The following PIP5K1B variants were observed in gnomAD, a reference collection of about 807,000 sequenced individuals.
PIP5K1B encodes the protein phosphatidylinositol 4-phosphate 5-kinase type-1 beta.
A neutral mutation model predicts 67.0 loss-of-function variants in PIP5K1B; 42 were observed. That is an observed-to-expected ratio of 0.63 (90% CI 0.49 to 0.81). The LOEUF (loss-of-function observed/expected upper bound fraction) is 0.81, where lower values mean the gene tolerates loss of function less well. Among genes scored for constraint, PIP5K1B ranks in the 30% least tolerant of loss-of-function variants. The pLI, the probability that PIP5K1B is intolerant of heterozygous loss-of-function variation, is 0.00. For missense variants in PIP5K1B, 459 were observed against 646.3 expected (o/e 0.71, Z 3.14); for synonymous variants, 214 against 231.4 (o/e 0.92, Z 0.68).
intron 2 of PIP5K1B, among the ~76,000 whole-genome samples, chr9:68,775,584 C>T (rs1224133566): frequency 6.6e-6 from 1 of 152,120 alleles, no homozygotes; most frequent in Non-Finnish European, 1.5e-5. Context: ...AGATGGAGTG[C>T]GACGGCACCA....
intron 14 of PIP5K1B, among the ~76,000 whole-genome samples, chr9:68,962,274 G>T (rs1406907014): frequency 6.6e-6 from 1 of 150,644 alleles, no homozygotes. Context: ...AAAATCAAAA[G>T]ATTTGAGCAC....
At position 68,919,534 on chromosome 9, in the gene PIP5K1B, G is replaced by C. The variant is rs913872641; in HGVS notation, c.1039G>C (p.Gly347Arg). ...HRGEKLLLFM[G>R]IIDILQSYRL... Reference sequence around the variant, plus strand: ...GGGAGAAAAACTACTTTTATTTATGGGCATTATTGACATTCTGCAATCATA... The same window carrying C: ...GGGAGAAAAACTACTTTTATTTATGCGCATTATTGACATTCTGCAATCATA... Residue 347 changes from glycine (G) to arginine (R), a missense_variant, in exon 10 of 16, where the codon GGC becomes CGC. Gly to Arg is a moderately radical substitution (Grantham distance 125). This residue lies in a region of PIP5K1B where 290 missense variants were observed against 474.4 expected (regional missense o/e 0.61). Transcript: ENST00000265382. 1 of 1,596,680 alleles carries C rather than the reference G, an allele frequency of 6.3e-7. No homozygotes were observed.
chr9:68,857,833 C>G (rs11999960), intron 4 of PIP5K1B, among the ~76,000 whole-genome samples: 42,078 of 151,704 alleles, frequency 0.28, 6,061 homozygotes, highest in Middle Eastern at 0.33. Flanking sequence ...TACCACTGCA[C>G]TCCAGCATAT....
intron 14 of PIP5K1B, among the ~76,000 whole-genome samples, chr9:68,945,222 T>A (rs1827744946): frequency 6.6e-6 from 1 of 152,130 alleles, no homozygotes. Context: ...CTCAGCTCAC[T>A]GTAAGCTCCG....
chr9:68,961,273 G>A (rs1231845355), intron 14 of PIP5K1B, among the ~76,000 whole-genome samples: 1 of 151,326 alleles, frequency 6.6e-6, no homozygotes, highest in African/African-American at 2.4e-5. Flanking sequence ...AAGTAAGTTA[G>A]CAGTTACCTA....
At chr9:68,945,519 G>A (rs1827760943) in intron 14 of PIP5K1B, among the ~76,000 whole-genome samples, 2 of 152,188 alleles carry the variant, frequency 1.3e-5, no homozygotes, top group South Asian at 2.1e-4. Context: ...ATTAAAAACA[G>A]CATTGCAAAG....
intron 2 of PIP5K1B, among the ~76,000 whole-genome samples, chr9:68,767,749 C>G (rs1830502938): frequency 6.6e-6 from 1 of 151,972 alleles, no homozygotes; most frequent in Admixed American, 6.5e-5. Flanking sequence ...GTATGGTCAT[C>G]TTAATAGGTG....
intron 4 of PIP5K1B, among the ~76,000 whole-genome samples, chr9:68,856,046 G>A (rs1822761269): frequency 6.6e-6 from 1 of 152,152 alleles, no homozygotes; most frequent in African/African-American, 2.4e-5. Flanking sequence ...CTCTAGCAGG[G>A]AATCAATTCC....
intron 14 of PIP5K1B, among the ~76,000 whole-genome samples, chr9:68,945,095 A>G (rs1827738312): frequency 6.6e-6 from 1 of 151,228 alleles, no homozygotes; most frequent in South Asian, 2.1e-4. Flanking sequence ...CTTAATAACT[A>G]AAATATTTCT....
Position 68,812,746 on chromosome 9 carries a change from G to A in PIP5K1B, c.-85-5715G>A, listed in dbSNP as rs1833236055. On this transcript the variant is annotated intron_variant, in intron 2 of 15. Coordinates refer to ENST00000265382, the MANE Select transcript of PIP5K1B (RefSeq NM_003558.4). ...AAATAATATTCATGGAGGACTGCCT[G>A]AAAGATATGCAGCCTGTTCATTCCT... is the stretch of plus-strand genomic sequence containing the variant. Among the ~76,000 whole-genome samples the A allele has an allele frequency of 2.0e-5, 3 of 152,346 alleles. No individual in the cohort carries two copies. The South Asian group carries it at 6.2e-4, about 32-fold the overall frequency.
chr9:68,942,701 G>A (rs963556424), intron 14 of PIP5K1B, among the ~76,000 whole-genome samples: 17 of 152,052 alleles, frequency 1.1e-4, no homozygotes, highest in Admixed American at 1.1e-3. Context: ...TTTGGAGGGG[G>A]AAAATAAAAA....
intron 13 of PIP5K1B, among the ~76,000 whole-genome samples, chr9:68,939,965 T>C (rs1264550014): frequency 6.6e-6 from 1 of 152,234 alleles, no homozygotes; most frequent in Non-Finnish European, 1.5e-5. Flanking sequence ...CAGGGGTTAC[T>C]GCCCAGCCTT....
At chr9:68,715,673 A>G (rs1827602356) in intron 1 of PIP5K1B, among the ~76,000 whole-genome samples, 1 of 152,178 alleles carries the variant, frequency 6.6e-6, no homozygotes, top group South Asian at 2.1e-4. Flanking sequence ...GTGTCGGCAC[A>G]TGTAGAATTG....
At chr9:68,757,237 C>T (rs1377848309) in intron 2 of PIP5K1B, among the ~76,000 whole-genome samples, 2 of 152,126 alleles carry the variant, frequency 1.3e-5, no homozygotes, top group Non-Finnish European at 2.9e-5. Context: ...TGGCTAGTAG[C>T]TAGTGGCTAT....
At chr9:68,755,085 A>G (rs1829856862) in intron 2 of PIP5K1B, among the ~76,000 whole-genome samples, 1 of 152,274 alleles carries the variant, frequency 6.6e-6, no homozygotes, top group Non-Finnish European at 1.5e-5. Flanking sequence ...GAAGTGCATC[A>G]TAATTGTTAG....
intron 5 of PIP5K1B, among the ~76,000 whole-genome samples, chr9:68,868,915 T>C (rs567364332): frequency 1.3e-5 from 2 of 152,206 alleles, no homozygotes; most frequent in Non-Finnish European, 2.9e-5. Flanking sequence ...CAGGATTTAT[T>C]TGGACAGCCA....
At chr9:68,705,803 C>T (rs1403284300) in intron 1 of PIP5K1B, 41 bp downstream of exon 1, 2 of 152,280 alleles carry the variant, frequency 1.3e-5, no homozygotes, top group East Asian at 3.9e-4. Flanking sequence ...CCACTAGACC[C>T]TTCTGAGGGG....
intron 7 of PIP5K1B, among the ~76,000 whole-genome samples, chr9:68,890,707 AAACT>A (rs1267004274): frequency 2.0e-5 from 3 of 152,022 alleles, no homozygotes; most frequent in Non-Finnish European, 2.9e-5. Flanking sequence ...AAAAAAAAAA[AAACT>A]AACTATAGTT....
At chr9:68,917,806 A>C (rs1261911759) in intron 9 of PIP5K1B, 47 bp downstream of exon 9, 2 of 1,346,960 alleles carry the variant, frequency 1.5e-6, no homozygotes, top group South Asian at 2.3e-5. Flanking sequence ...GTGGCAGCCC[A>C]CGTCACTGGG....
Sources: allele counts gnomAD v4.1 joint callset (sites outside exome capture counted in the v4.1 genomes callset), GRCh38; gene constraint gnomAD v4.1.1; regional missense constraint gnomAD v4.1.1; transcripts MANE v1.5; gene names NCBI Gene and HGNC (gene_info 2026-07-23, HGNC 2026-07-21).